The following CNKSR2 variants were observed in gnomAD, a reference collection of about 807,000 sequenced individuals.
The protein encoded by CNKSR2 is CNK homolog protein 2.
A neutral mutation model predicts 84.4 loss-of-function variants in CNKSR2; 14 were observed. That is an observed-to-expected ratio of 0.17 (90% CI 0.11 to 0.26). CNKSR2 has a LOEUF of 0.26. CNKSR2 is among the 10% of genes least tolerant of loss of function. The probability of loss-of-function intolerance (pLI) is 1.00; values close to 1 mark genes in which losing one functional copy is unlikely to be tolerated. For synonymous variants in CNKSR2, 275 were observed against 277.9 expected, an observed-to-expected ratio of 0.99 and a Z score of 0.10; for missense variants, 485 against 771.2, an observed-to-expected ratio of 0.63 and a Z score of 4.40.
chrX:21,421,287 G>GTTT lies in CNKSR2; in HGVS notation c.65-5193_65-5191dup, dbSNP rs756375947. 7.0e-3 allele frequency among the ~76,000 whole-genome samples: 610 copies of GTTT among 86,906 alleles called. 2 individuals are homozygous for GTTT. Among genetic ancestry groups the GTTT allele is most frequent in the African/African-American group, 0.024 (577 of 24,189 alleles). 75.5% of individuals were successfully genotyped at this position (86,906 alleles called of 115,157 possible). A position where few individuals can be genotyped will look rare whatever the true frequency, so the allele number is the denominator to read the frequency against. Reference sequence around the variant, plus strand: ...GGTGTGGCATCACTGATTTAAGATGGTTTTTTTTTTTTTTTTTTTAAGGTT... The same window carrying GTTT: ...GGTGTGGCATCACTGATTTAAGATGGTTTTTTTTTTTTTTTTTTTTTTAAGGTT... On this transcript the variant is annotated intron_variant, in intron 1 of 21. Coordinates refer to ENST00000379510, the MANE Select transcript of CNKSR2 (RefSeq NM_014927.5).
chrX:21,629,674 CCA>C (rs2092638921), intron 20 of CNKSR2, among the ~76,000 whole-genome samples: 2 of 111,485 alleles, frequency 1.8e-5, no homozygotes, highest in Non-Finnish European at 3.8e-5. Flanking sequence ...CAATTATCTC[CCA>C]CGGGGTCCCT....
chrX:21,636,864 AT>A lies in CNKSR2; in HGVS notation c.2693-11965del, dbSNP rs754899035. On this transcript the variant is annotated intron_variant, in intron 20 of 21. Transcript: ENST00000379510. ...TACTGAACGATATATTTCTATAAAAATTAATTATTTCCATTTTCCATTTTAA... is the reference window on the plus strand; with the variant it reads ...TACTGAACGATATATTTCTATAAAAATAATTATTTCCATTTTCCATTTTAA... 1.2e-4 allele frequency among the ~76,000 whole-genome samples: 13 copies of A among 111,356 alleles called. No individual in the cohort carries two copies. In the East Asian group the frequency reaches 3.1e-3, roughly 26 times the overall value.
intron 1 of CNKSR2, among the ~76,000 whole-genome samples, chrX:21,397,004 T>C (rs1181765499): frequency 9.0e-6 from 1 of 111,687 alleles, no homozygotes; most frequent in Non-Finnish European, 1.9e-5. Context: ...TAGAAATGTT[T>C]GTTTTAGATT....
intron 17 of CNKSR2, among the ~76,000 whole-genome samples, chrX:21,598,242 G>C (rs6528025): frequency 0.15 from 16,223 of 110,590 alleles, 2,834 homozygotes; most frequent in African/African-American, 0.5. Flanking sequence ...TGTAAAATCT[G>C]TGGGGATAAA....
chrX:21,410,790 TTGTGTGTGTG>T (rs36094917), intron 1 of CNKSR2, among the ~76,000 whole-genome samples: 21 of 103,833 alleles, frequency 2.0e-4, no homozygotes, highest in Middle Eastern at 4.8e-3. Flanking sequence ...CACCAAAGGA[TTGTGTGTGTG>T]TGTGTGTGTG....
At chrX:21,486,995 A>G (rs1178991385) in intron 5 of CNKSR2, among the ~76,000 whole-genome samples, 1 of 111,948 alleles carries the variant, frequency 8.9e-6, no homozygotes, top group East Asian at 2.8e-4. Flanking sequence ...TATTTAGTTA[A>G]GTGCCAAATG....
At chrX:21,386,778 T>TA (rs1015101135) in intron 1 of CNKSR2, among the ~76,000 whole-genome samples, 12 of 111,860 alleles carry the variant, frequency 1.1e-4, no homozygotes, top group African/African-American at 3.9e-4. Flanking sequence ...TCACTTTTTA[T>TA]AAAAGCTATT....
intron 1 of CNKSR2, among the ~76,000 whole-genome samples, chrX:21,399,559 ATGT>A (rs754399393): frequency 4.5e-5 from 5 of 111,842 alleles, no homozygotes; most frequent in Non-Finnish European, 9.4e-5. Context: ...ACGTACTTAG[ATGT>A]TTTAAAAATT....
At chrX:21,441,868 T>C (rs2090788632) in intron 4 of CNKSR2, among the ~76,000 whole-genome samples, 2 of 112,110 alleles carry the variant, frequency 1.8e-5, no homozygotes, top group Admixed American at 9.5e-5. Context: ...CTTTGAAATA[T>C]GCTGTGCTTC....
At chrX:21,384,975 G>A (rs956314519) in intron 1 of CNKSR2, among the ~76,000 whole-genome samples, 2 of 111,719 alleles carry the variant, frequency 1.8e-5, no homozygotes, top group African/African-American at 3.3e-5. Flanking sequence ...AGATTGTACA[G>A]CTGTTCAGTG....
At chrX:21,402,433 ATGTT>A (rs899121478) in intron 1 of CNKSR2, among the ~76,000 whole-genome samples, 12 of 111,513 alleles carry the variant, frequency 1.1e-4, no homozygotes, top group African/African-American at 3.6e-4. Flanking sequence ...TTAAAACAGT[ATGTT>A]TGTATGATTT....
At chrX:21,403,031 G>T (rs1303907266) in intron 1 of CNKSR2, among the ~76,000 whole-genome samples, 1 of 111,171 alleles carries the variant, frequency 9.0e-6, no homozygotes, top group Admixed American at 9.6e-5. Context: ...TAAATACCTT[G>T]CAGCTTACAC....
intron 20 of CNKSR2, chrX:21,642,636 T>G (rs1219975987): frequency 1.3e-6 from 1 of 745,441 alleles, no homozygotes. Context: ...TTTGAAATGT[T>G]TTTTTCTTCC....
intron 1 of CNKSR2, among the ~76,000 whole-genome samples, chrX:21,384,372 C>T (rs1457170890): frequency 8.9e-6 from 1 of 112,140 alleles, no homozygotes; most frequent in South Asian, 3.7e-4. Context: ...GAAGCCTGCT[C>T]TGTTGCCTTC....
At chrX:21,506,789 G>T (rs1601876807) in intron 8 of CNKSR2, 1 of 110,955 alleles carries the variant, frequency 9.0e-6, no homozygotes, top group South Asian at 3.8e-4. Context: ...CATTTTTTAT[G>T]ATTAAACTTT....
At chrX:21,512,581 A>G (rs940939684) in intron 8 of CNKSR2, among the ~76,000 whole-genome samples, 4 of 111,171 alleles carry the variant, frequency 3.6e-5, no homozygotes, top group African/African-American at 1.3e-4. Context: ...AAGCAGAAAG[A>G]CAGGTTAGGA....
At position 21,376,461 on chromosome X, in the gene CNKSR2, A is replaced by G. The variant is rs183609287; in HGVS notation, c.64+1500A>G. 5.8e-3 allele frequency among the ~76,000 whole-genome samples: 654 copies of G among 112,054 alleles called. 3 individuals are homozygous for G. Among genetic ancestry groups the G allele is most frequent in the Non-Finnish European group, 7.4e-3 (393 of 53,255 alleles). On this transcript the variant is annotated intron_variant, in intron 1 of 21. Coordinates refer to ENST00000379510, the MANE Select transcript of CNKSR2 (RefSeq NM_014927.5). ...ATTTATCGACTGCACCCCTGTGTGC[A>G]GTGCATTGTGCTAAGGTGCCATGGG...
intron 15 of CNKSR2, chrX:21,592,849 T>C (rs1361130719): frequency 9.1e-6 from 1 of 109,546 alleles, no homozygotes; most frequent in Non-Finnish European, 1.9e-5. Context: ...TATATGCCAA[T>C]CAAATATTAT....
chrX:21,430,424 G>C (rs1455198856), intron 2 of CNKSR2, among the ~76,000 whole-genome samples: 1 of 111,314 alleles, frequency 9.0e-6, no homozygotes, highest in Admixed American at 9.6e-5. Context: ...GTTATATAGA[G>C]ATAAACAATT....
Sources: allele counts gnomAD v4.1 joint callset (sites outside exome capture counted in the v4.1 genomes callset), GRCh38; gene constraint gnomAD v4.1.1; transcripts MANE v1.5; gene names NCBI Gene and HGNC (gene_info 2026-07-23, HGNC 2026-07-21).